RPL10A: variants seen among roughly 807,000 people sequenced by gnomAD.
RPL10A encodes the protein ribosomal protein L10a.
RPL10A carries 11 observed loss-of-function variants against 24.6 expected under a neutral mutation model. That is an observed-to-expected ratio of 0.45 (90% confidence interval 0.28 to 0.74). The LOEUF (loss-of-function observed/expected upper bound fraction) is 0.74. Ranked by LOEUF, RPL10A falls within the 30% of genes least tolerant of loss-of-function variation. The pLI is 0.13. For synonymous variants in RPL10A, 98 were observed against 108.5 expected, an observed-to-expected ratio of 0.90 and a Z score of 0.60; for missense variants, 136 against 273.1, an observed-to-expected ratio of 0.50 and a Z score of 3.54.
chr6:35,470,369 G>A lies in RPL10A; in HGVS notation c.483+18G>A, dbSNP rs201025796. ...TGAAGAAGGTGAGTGGGTCTGGCGG[G>A]TTGCTATGGGTGAAGGTGTTGGCAG... On this transcript the variant is annotated intron_variant, in intron 5 of 5. Transcript: ENST00000322203. This position sits in a 1 kb window ranked among gnomAD's most constrained non-coding sequence, Gnocchi z 4.6. 15 of 1,596,620 alleles carry A rather than the reference G, an allele frequency of 9.4e-6. No homozygotes were observed. The Admixed American group carries it at 1.2e-4, about 12-fold the overall frequency.
At chr6:35,469,092 C>G in intron 3 of RPL10A, 65 bp downstream of exon 3, 10 of 1,595,018 alleles carry the variant, frequency 6.3e-6, no homozygotes, top group Non-Finnish European at 7.7e-6. Context: ...CCTGCAGGCT[C>G]CCGCTGAGCC....
In RPL10A at chr6:35,470,105, C is replaced by T; in HGVS notation, c.311-74C>T. 1 of 1,429,790 alleles carries T rather than the reference C, an allele frequency of 7.0e-7. No individual in the cohort carries two copies. The highest frequency in any genetic ancestry group is 9.6e-7 in the Non-Finnish European group (1 of 1,036,870). The allele number at this position is 1,429,790 out of a possible 1,614,324, so 88.6% of individuals were successfully genotyped here. A position where few individuals can be genotyped will look rare whatever the true frequency, so the allele number is the denominator to read the frequency against. On this transcript the variant is annotated intron_variant, in intron 4 of 5. Transcript: ENST00000322203. This position sits in a 1 kb window ranked among gnomAD's most constrained non-coding sequence, Gnocchi z 4.6. ...TTACATGATTGATTCAAGTGCGTTT[C>T]TGGCCTGCCACATTTGAGGTGTGCC...
Position 35,470,297 on chromosome 6 carries a change from C to T in RPL10A, c.429C>T (p.Asn143=). The change falls in exon 5 of 6, where the codon AAC becomes AAT. Residue 143 remains asparagine, a synonymous_variant. Coordinates refer to ENST00000322203, the MANE Select transcript of RPL10A (RefSeq NM_007104.5). The surrounding 1 kb of genome is among the most constrained non-coding windows in gnomAD (Gnocchi z 4.6). ...KFPSLLTHNE[N]MVAKVDEVKS... is the part of the protein sequence containing the mutation. Reference sequence around the variant, plus strand: ...CTTCCCTGCTCACACACAACGAAAACATGGTGGCCAAAGTGGATGAGGTGA... The same window carrying T: ...CTTCCCTGCTCACACACAACGAAAATATGGTGGCCAAAGTGGATGAGGTGA... 6.2e-7 allele frequency: 1 copy of T among 1,605,410 alleles called. No homozygotes were observed. Among genetic ancestry groups the T allele is most frequent in the Non-Finnish European group, 8.5e-7 (1 of 1,179,810 alleles).
Position 35,470,444 on chromosome 6 carries a change from A to G in RPL10A, c.483+93A>G. The G allele has an allele frequency of 2.0e-6, 3 of 1,515,296 alleles. No homozygotes were observed. Among genetic ancestry groups the G allele is most frequent in the South Asian group, 2.5e-5 (2 of 79,510 alleles). The allele number at this position is 1,515,296 out of a possible 1,614,324, so 93.9% of individuals were successfully genotyped here. A position where few individuals can be genotyped will look rare whatever the true frequency, so the allele number is the denominator to read the frequency against. On this transcript the variant is annotated intron_variant, in intron 5 of 5. Coordinates refer to ENST00000322203, the MANE Select transcript of RPL10A (RefSeq NM_007104.5). This position sits in a 1 kb window ranked among gnomAD's most constrained non-coding sequence, Gnocchi z 4.6. Reference sequence around the variant, plus strand: ...AAATATGCCAGTAAGAGCACCCACCAGGATTGAAACTTTTGGAGTAACCCT... The same window carrying G: ...AAATATGCCAGTAAGAGCACCCACCGGGATTGAAACTTTTGGAGTAACCCT...
At chr6:35,469,664 T>A (rs534206500) in intron 4 of RPL10A, 135 bp downstream of exon 4, 6 of 1,030,366 alleles carry the variant, frequency 5.8e-6, no homozygotes, top group Non-Finnish European at 8.3e-6. Context: ...CTAGCTTGCC[T>A]GAGTGCTGTT....
At position 35,470,447 on chromosome 6, in the gene RPL10A, A is replaced by T; in HGVS notation, c.483+96A>T. On this transcript the variant is annotated intron_variant, in intron 5 of 5. Transcript: ENST00000322203. The surrounding 1 kb of genome is among the most constrained non-coding windows in gnomAD (Gnocchi z 4.6). ...TATGCCAGTAAGAGCACCCACCAGGATTGAAACTTTTGGAGTAACCCTGGT... is the reference window on the plus strand; with the variant it reads ...TATGCCAGTAAGAGCACCCACCAGGTTTGAAACTTTTGGAGTAACCCTGGT... The T allele has an allele frequency of 6.6e-7, 1 of 1,511,854 alleles. No individual in the cohort carries two copies. Among genetic ancestry groups the T allele is most frequent in the Non-Finnish European group, 9.0e-7 (1 of 1,114,686 alleles). The allele number at this position is 1,511,854 out of a possible 1,614,324, so 93.7% of individuals were successfully genotyped here.
chr6:35,468,800 A>G lies in RPL10A; in HGVS notation c.7A>G (p.Ser3Gly). The G allele has an allele frequency of 6.3e-7, 1 of 1,598,480 alleles. No individual in the cohort carries two copies. Among genetic ancestry groups the G allele is most frequent in the Non-Finnish European group, 8.5e-7 (1 of 1,172,892 alleles). ...CGCCCTGTCGCTTCTCTCCCGCAGC[A>G]GCAAAGTCTCTCGCGACACCCTGTA... MS[S>G]KVSRDTLYEA... Residue 3 changes from serine to glycine, a missense_variant and splice_region_variant, in exon 2 of 6, where the codon AGC becomes GGC. Transcript: ENST00000322203.
In RPL10A at chr6:35,468,401, A is replaced by T. The variant is rs750603741; in HGVS notation, c.-34A>T. ...TTTGAGCGCATGCGCAAGACATGCT[A>T]GTCTCTTTTCCGGTTAGCGCGGCGT... On this transcript the variant is annotated 5_prime_UTR_variant, in exon 1 of 6. Transcript: ENST00000322203. 2.5e-6 allele frequency: 4 copies of T among 1,613,946 alleles called. No homozygotes were observed. The highest frequency in any genetic ancestry group is 1.1e-5 in the South Asian group (1 of 91,078).
Position 35,470,575 on chromosome 6 carries a change from C to T in RPL10A, c.484-5C>T, listed in dbSNP as rs747297762. Reference sequence around the variant, plus strand: ...CTGACTTGATCCTCTCTTCCCTCCTCCCAGGTGTTATGTCTGGCTGTAGCT... The same window carrying T: ...CTGACTTGATCCTCTCTTCCCTCCTTCCAGGTGTTATGTCTGGCTGTAGCT... On this transcript the variant is annotated splice_region_variant and splice_polypyrimidine_tract_variant and intron_variant, in intron 5 of 5. Coordinates refer to ENST00000322203, the MANE Select transcript of RPL10A (RefSeq NM_007104.5). This position sits in a 1 kb window ranked among gnomAD's most constrained non-coding sequence, Gnocchi z 4.6. 2 of 1,610,712 alleles carry T rather than the reference C, an allele frequency of 1.2e-6. No individual in the cohort carries two copies. Among genetic ancestry groups the T allele is most frequent in the East Asian group, 4.5e-5 (2 of 44,870 alleles).
At position 35,468,686 on chromosome 6, in the gene RPL10A, G is replaced by A. The variant is rs868476010; in HGVS notation, c.6-113G>A. The A allele has an allele frequency of 1.4e-5, 22 of 1,526,596 alleles. No homozygotes were observed. In the African/African-American group the frequency reaches 2.5e-4, roughly 17 times the overall value. The allele number at this position is 1,526,596 out of a possible 1,614,324, so 94.6% of individuals were successfully genotyped here. ...CTACTTGGTGTCCGGAATCTACGGG[G>A]GAGTCCGCCGTGGGCCGCCCGCCCG... On this transcript the variant is annotated intron_variant, in intron 1 of 5. Transcript: ENST00000322203.
chr6:35,468,697 T>C, intron 1 of RPL10A, 102 bp from the exon 2 acceptor site: 1 of 1,532,548 alleles, frequency 6.5e-7, no homozygotes, highest in East Asian at 2.5e-5. Context: ...GAGTCCGCCG[T>C]GGGCCGCCCG....
rs187631484 is a variant in RPL10A at position 35,470,573 on chromosome 6, C to T, written c.484-7C>T. On this transcript the variant is annotated splice_region_variant and splice_polypyrimidine_tract_variant and intron_variant, in intron 5 of 5. Transcript: ENST00000322203. This position sits in a 1 kb window ranked among gnomAD's most constrained non-coding sequence, Gnocchi z 4.6. ...ACCTGACTTGATCCTCTCTTCCCTCCTCCCAGGTGTTATGTCTGGCTGTAG... is the reference window on the plus strand; with the variant it reads ...ACCTGACTTGATCCTCTCTTCCCTCTTCCCAGGTGTTATGTCTGGCTGTAG... The T allele has an allele frequency of 2.2e-4, 348 of 1,610,798 alleles. 4 individuals are homozygous for T. In the East Asian group the frequency reaches 7.2e-3, roughly 33 times the overall value.
Position 35,469,961 on chromosome 6 carries a change from C to A in RPL10A, c.311-218C>A, listed in dbSNP as rs115419624. ...GGTTATGCCATGGATCATGGGTCAG[C>A]CTGGTTTTCTGAGAGCATGTTTTGG... On this transcript the variant is annotated intron_variant, in intron 4 of 5. Transcript: ENST00000322203. Among the ~76,000 whole-genome samples, 1,310 of 152,138 alleles carry A rather than the reference C, an allele frequency of 8.6e-3. 11 individuals carry two copies. Among genetic ancestry groups the A allele is most frequent in the Middle Eastern group, 0.041 (12 of 294 alleles).
chr6:35,470,383 A>C lies in RPL10A; in HGVS notation c.483+32A>C. ...GGGTCTGGCGGGTTGCTATGGGTGA[A>C]GGTGTTGGCAGGGTCTAAATCTTAT... is the stretch of plus-strand genomic sequence containing the variant. On this transcript the variant is annotated intron_variant, in intron 5 of 5. Transcript: ENST00000322203. The surrounding 1 kb of genome is among the most constrained non-coding windows in gnomAD (Gnocchi z 4.6). The C allele has an allele frequency of 6.3e-7, 1 of 1,589,890 alleles. No homozygotes were observed. The highest frequency in any genetic ancestry group is 8.5e-7 in the Non-Finnish European group (1 of 1,170,986).
intron 3 of RPL10A, 93 bp from the exon 4 acceptor site, chr6:35,469,288 A>G (rs1767970908): frequency 6.6e-7 from 1 of 1,510,440 alleles, no homozygotes; most frequent in African/African-American, 1.4e-5. Context: ...CGCTCCGGGT[A>G]AGGCTCGGTG....
intron 3 of RPL10A, 34 bp downstream of exon 3, chr6:35,469,061 T>A: frequency 6.2e-7 from 1 of 1,608,918 alleles, no homozygotes; most frequent in Non-Finnish European, 8.5e-7. Flanking sequence ...CAGCCCTCAG[T>A]GCCCCCGTGC....
At chr6:35,468,582 C>A in intron 1 of RPL10A, 143 bp downstream of exon 1, 2 of 1,576,570 alleles carry the variant, frequency 1.3e-6, no homozygotes, top group South Asian at 2.3e-5. Context: ...GCCTGCGGGT[C>A]GCCCTTCCTA....
At chr6:35,469,124 G>T in intron 3 of RPL10A, 97 bp downstream of exon 3, 1 of 1,560,610 alleles carries the variant, frequency 6.4e-7, no homozygotes, top group South Asian at 1.2e-5. Context: ...CGTCGGTACT[G>T]ATGTGCTAGG....
chr6:35,469,782 A>G (rs1199732731), intron 4 of RPL10A, among the ~76,000 whole-genome samples: 2 of 135,670 alleles, frequency 1.5e-5, no homozygotes, highest in African/African-American at 6.4e-5. Context: ...TATGATTTGG[A>G]AATCTTTACG....
Sources: gnomAD v4.1 joint callset for allele counts (sites outside exome capture counted in the v4.1 genomes callset) on GRCh38, gnomAD v4.1.1 for gene constraint, Gnocchi (gnomAD v3.1) non-coding constraint, MANE v1.5 for transcripts, NCBI Gene and HGNC (gene_info 2026-07-23, HGNC 2026-07-21) for gene names.